STAG1: variants seen among roughly 807,000 people sequenced by gnomAD.
STAG1 encodes the protein STAG1 cohesin complex component.
In STAG1, 26 loss-of-function variants were observed where a neutral mutation model predicts 170.9. The ratio of observed to expected loss-of-function variants is 0.15; its 90% CI spans 0.11 to 0.21. The LOEUF (loss-of-function observed/expected upper bound fraction) is 0.21, where lower values mean the gene tolerates loss of function less well. STAG1 is among the 10% of genes least tolerant of loss of function. The probability of loss-of-function intolerance (pLI) is 1.00; values close to 1 mark genes in which losing one functional copy is unlikely to be tolerated. For missense variants in STAG1, 964 were observed against 1,509.5 expected, an observed-to-expected ratio of 0.64 and a Z score of 5.99; for synonymous variants, 514 against 497.7, an observed-to-expected ratio of 1.03 and a Z score of -0.44.
At chr3:136,547,982 C>G (rs1255215645) in intron 5 of STAG1, among the ~76,000 whole-genome samples, 1 of 152,158 alleles carries the variant, frequency 6.6e-6, no homozygotes, top group Non-Finnish European at 1.5e-5. Flanking sequence ...AAAAGACTAT[C>G]CTTTCCCTAC....
At chr3:136,638,603 T>TA (rs898086968) in intron 1 of STAG1, among the ~76,000 whole-genome samples, 2 of 152,180 alleles carry the variant, frequency 1.3e-5, no homozygotes, top group African/African-American at 2.4e-5. Context: ...AGCTTTCTTT[T>TA]AAAAAACAAA....
chr3:136,607,702 G>A (rs1316461952), intron 3 of STAG1, among the ~76,000 whole-genome samples: 1 of 152,150 alleles, frequency 6.6e-6, no homozygotes, highest in Non-Finnish European at 1.5e-5. Context: ...CGTGTCCGAT[G>A]TAATTCAATA....
chr3:136,704,557 G>A (rs1271955705), intron 1 of STAG1, among the ~76,000 whole-genome samples: 1 of 152,106 alleles, frequency 6.6e-6, no homozygotes, highest in African/African-American at 2.4e-5. Context: ...GCCGGGAGTA[G>A]TGGCTCATGC....
chr3:136,744,504 T>C (rs897756954), intron 1 of STAG1, among the ~76,000 whole-genome samples: 3 of 152,182 alleles, frequency 2.0e-5, no homozygotes, highest in Non-Finnish European at 2.9e-5. Flanking sequence ...TTCTCACCAA[T>C]ACTTGACATT....
chr3:136,710,803 T>C (rs760759045), intron 1 of STAG1, among the ~76,000 whole-genome samples: 1 of 151,386 alleles, frequency 6.6e-6, no homozygotes, highest in African/African-American at 2.4e-5. Flanking sequence ...AAAAATGAAG[T>C]GAAATGGTCA....
intron 15 of STAG1, 23 bp from the exon 16 acceptor site, chr3:136,433,682 A>C: frequency 6.7e-7 from 1 of 1,498,802 alleles, no homozygotes; most frequent in South Asian, 1.1e-5. Flanking sequence ...AAAATACATG[A>C]GCATGAGTAG....
intron 23 of STAG1, among the ~76,000 whole-genome samples, chr3:136,369,923 G>C (rs1937231374): frequency 1.3e-5 from 2 of 152,140 alleles, no homozygotes; most frequent in Admixed American, 1.3e-4. Flanking sequence ...CGAGTTTGTT[G>C]TGATGTTGTT....
At chr3:136,533,512 T>A (rs977996498) in intron 6 of STAG1, among the ~76,000 whole-genome samples, 1 of 152,072 alleles carries the variant, frequency 6.6e-6, no homozygotes, top group Non-Finnish European at 1.5e-5. Context: ...TATGGTGAGG[T>A]CCTCAAGGAT....
intron 4 of STAG1, among the ~76,000 whole-genome samples, chr3:136,591,217 CA>C (rs574644995): frequency 2.4e-3 from 139 of 57,826 alleles, no homozygotes; most frequent in Middle Eastern, 0.015. Flanking sequence ...AGTCTTTTTT[CA>C]AAAAAAAAAA....
In STAG1 at chr3:136,450,307, A is replaced by T. The variant is rs565539918; in HGVS notation, c.1428+1726T>A. 1.1e-4 allele frequency among the ~76,000 whole-genome samples: 17 copies of T among 152,252 alleles called. 1 individual carries two copies. In the South Asian group the frequency reaches 3.3e-3, roughly 30 times the overall value. ...TGCAGAATCTCAGGCCCCATTCTAG[A>T]GCTATTGAATAAGAACTGGCATTTT... is the stretch of plus-strand genomic sequence containing the variant. On this transcript the variant is annotated intron_variant, in intron 14 of 33. Transcript: ENST00000383202.
chr3:136,503,617 A>G (rs577771614), intron 7 of STAG1, among the ~76,000 whole-genome samples: 1 of 152,306 alleles, frequency 6.6e-6, no homozygotes, highest in East Asian at 1.9e-4. Flanking sequence ...ATGTGCAAGT[A>G]TGAACATTTG....
chr3:136,445,799 T>C (rs1196051734), intron 14 of STAG1, among the ~76,000 whole-genome samples: 1 of 152,188 alleles, frequency 6.6e-6, no homozygotes, highest in Non-Finnish European at 1.5e-5. Flanking sequence ...TGTACTGATA[T>C]TGCCCCCTCT....
At chr3:136,601,877 T>C (rs1938692765) in intron 4 of STAG1, among the ~76,000 whole-genome samples, 2 of 151,340 alleles carry the variant, frequency 1.3e-5, no homozygotes, top group East Asian at 1.9e-4. Context: ...AGCATAAGAG[T>C]ATAATTAGAA....
At chr3:136,634,849 C>T (rs1012639219) in intron 1 of STAG1, among the ~76,000 whole-genome samples, 2 of 151,420 alleles carry the variant, frequency 1.3e-5, no homozygotes, top group African/African-American at 4.9e-5. Flanking sequence ...AGAGAAGGGG[C>T]AAAAGAATAC....
chr3:136,463,438 A>T (rs2089332120), intron 13 of STAG1, among the ~76,000 whole-genome samples: 1 of 152,152 alleles, frequency 6.6e-6, no homozygotes, highest in Admixed American at 6.5e-5. Flanking sequence ...TCAGCATAAG[A>T]AGAAGTTAGA....
At chr3:136,386,511 G>C (rs1384201321) in intron 22 of STAG1, among the ~76,000 whole-genome samples, 2 of 152,100 alleles carry the variant, frequency 1.3e-5, no homozygotes, top group Non-Finnish European at 2.9e-5. Context: ...GAAGAAAAAA[G>C]ATCTTTAAAT....
intron 16 of STAG1, among the ~76,000 whole-genome samples, chr3:136,427,989 GAC>G (rs1222909728): frequency 6.6e-6 from 1 of 151,914 alleles, no homozygotes; most frequent in African/African-American, 2.4e-5. Flanking sequence ...AGAGGCAGCT[GAC>G]CACTCTCCAA....
At chr3:136,749,098 G>A (rs1041612533) in intron 1 of STAG1, among the ~76,000 whole-genome samples, 25 of 152,158 alleles carry the variant, frequency 1.6e-4, no homozygotes, top group African/African-American at 6.0e-4. Context: ...CCCTCCCCTT[G>A]AGTGTGGGAG....
intron 3 of STAG1, among the ~76,000 whole-genome samples, chr3:136,605,605 A>G (rs1199241547): frequency 6.6e-6 from 1 of 152,090 alleles, no homozygotes; most frequent in Non-Finnish European, 1.5e-5. Context: ...TCCCCTAAGT[A>G]TCTTTTCTTC....
Sources: gnomAD v4.1 joint callset for allele counts (sites outside exome capture counted in the v4.1 genomes callset) on GRCh38, gnomAD v4.1.1 for gene constraint, MANE v1.5 for transcripts, NCBI Gene and HGNC (gene_info 2026-07-23, HGNC 2026-07-21) for gene names.